LEKR1: variants seen among roughly 807,000 people sequenced by gnomAD.
The protein encoded by LEKR1 is protein LEKR1.
In LEKR1, 59 loss-of-function variants were observed where a neutral mutation model predicts 72.4. That is an observed-to-expected ratio of 0.82 (90% confidence interval 0.66 to 1.01). The LOEUF is 1.01. LEKR1 is among the 50% of genes least tolerant of loss of function. LEKR1 has a pLI of 0.00. For missense variants in LEKR1, 728 were observed against 759.2 expected (o/e 0.96, Z 0.48); for synonymous variants, 257 against 263.2 (o/e 0.98, Z 0.23).
At chr3:156,906,508 T>C (rs1189652082) in intron 3 of LEKR1, among the ~76,000 whole-genome samples, 9 of 152,210 alleles carry the variant, frequency 5.9e-5, no homozygotes, top group Non-Finnish European at 1.2e-4. Flanking sequence ...CATTATGTCC[T>C]TACATCAACA....
intron 9 of LEKR1, among the ~76,000 whole-genome samples, chr3:157,010,508 A>T (rs969432879): frequency 6.6e-6 from 1 of 152,092 alleles, no homozygotes; most frequent in African/African-American, 2.4e-5. Flanking sequence ...TGAACATGCA[A>T]TTATAAATCA....
chr3:156,833,517 T>C (rs1173699498), intron 2 of LEKR1, among the ~76,000 whole-genome samples: 3 of 152,154 alleles, frequency 2.0e-5, no homozygotes, highest in Non-Finnish European at 1.5e-5. Flanking sequence ...CATATTGAAA[T>C]TATAGGAATC....
rs370631448 is a variant in LEKR1 at position 157,039,300 on chromosome 3, AAAAG to A, written c.1669-6028_1669-6025del. Among the ~76,000 whole-genome samples the A allele has an allele frequency of 2.2e-4, 34 of 152,342 alleles. No individual in the cohort carries two copies. In the East Asian group the frequency reaches 4.6e-3, roughly 21 times the overall value. On this transcript the variant is annotated intron_variant, in intron 12 of 12. Transcript: ENST00000356539. ...TTCCAATGTAAACTCTATTTTTAAAAAAAGAAAGAAAGAAATTCCATTTACATAA... is the reference window on the plus strand; with the variant it reads ...TTCCAATGTAAACTCTATTTTTAAAAAAAGAAAGAAATTCCATTTACATAA...
intron 6 of LEKR1, among the ~76,000 whole-genome samples, chr3:156,969,720 T>G (rs1309422068): frequency 6.6e-6 from 1 of 152,198 alleles, no homozygotes; most frequent in Non-Finnish European, 1.5e-5. Context: ...CCATTCCTTC[T>G]GAAACTATTC....
At chr3:156,865,192 C>G (rs1208763268) in intron 3 of LEKR1, among the ~76,000 whole-genome samples, 1 of 152,032 alleles carries the variant, frequency 6.6e-6, no homozygotes, top group Admixed American at 6.6e-5. Flanking sequence ...CATCATCACT[C>G]TGCAGCATTA....
intron 3 of LEKR1, among the ~76,000 whole-genome samples, chr3:156,915,445 G>A (rs1229891280): frequency 2.7e-5 from 4 of 150,114 alleles, no homozygotes; most frequent in Non-Finnish European, 4.4e-5. Context: ...TTTAGTGATA[G>A]CCATTCTGAC....
At chr3:156,929,876 A>C (rs909217176) in intron 5 of LEKR1, among the ~76,000 whole-genome samples, 1 of 152,158 alleles carries the variant, frequency 6.6e-6, no homozygotes, top group Non-Finnish European at 1.5e-5. Context: ...ATACTTTATG[A>C]GGTGATAATA....
rs565813396 is a variant in LEKR1 at position 156,905,048 on chromosome 3, T to A, written c.264-15527T>A. ...CATTGAGTCAGTCCAGTGCGGGTAC[T>A]TTTTTCCTGCCTTTTTGGGAGAGGT... On this transcript the variant is annotated intron_variant, in intron 3 of 12. Coordinates refer to ENST00000356539, the MANE Select transcript of LEKR1 (RefSeq NM_001004316.3). Among the ~76,000 whole-genome samples the A allele has an allele frequency of 3.3e-5, 5 of 152,184 alleles. No homozygotes were observed. In the East Asian group the frequency reaches 9.6e-4, roughly 29 times the overall value.
At chr3:156,918,288 A>G (rs1216024607) in intron 3 of LEKR1, among the ~76,000 whole-genome samples, 5 of 152,138 alleles carry the variant, frequency 3.3e-5, no homozygotes, top group Admixed American at 3.3e-4. Flanking sequence ...CTTCTAAGTA[A>G]CAGAATATAT....
intron 10 of LEKR1, among the ~76,000 whole-genome samples, chr3:157,018,926 C>T (rs1003717358): frequency 6.6e-6 from 1 of 152,160 alleles, no homozygotes; most frequent in Non-Finnish European, 1.5e-5. Flanking sequence ...CAGGATTTGA[C>T]CTGCAGCCTA....
At chr3:156,844,177 C>T (rs1006102925) in intron 2 of LEKR1, among the ~76,000 whole-genome samples, 1 of 152,034 alleles carries the variant, frequency 6.6e-6, no homozygotes, top group Non-Finnish European at 1.5e-5. Flanking sequence ...TTATAATTTA[C>T]ATAGGGTAAA....
intron 3 of LEKR1, among the ~76,000 whole-genome samples, chr3:156,894,164 A>G (rs1043097079): frequency 2.0e-5 from 3 of 152,232 alleles, no homozygotes; most frequent in Admixed American, 6.5e-5. Context: ...CTGGACAGAT[A>G]AAGCCTCTTT....
intron 3 of LEKR1, among the ~76,000 whole-genome samples, chr3:156,906,067 A>G (rs969829481): frequency 3.3e-5 from 5 of 152,180 alleles, no homozygotes; most frequent in African/African-American, 1.2e-4. Context: ...CTTTAGAACC[A>G]GGAGCTTGAC....
chr3:156,889,503 G>A (rs1720444676), intron 3 of LEKR1, among the ~76,000 whole-genome samples: 1 of 152,136 alleles, frequency 6.6e-6, no homozygotes, highest in Non-Finnish European at 1.5e-5. Context: ...TCTTTACCAT[G>A]CTGAAATAGA....
intron 2 of LEKR1, among the ~76,000 whole-genome samples, chr3:156,844,753 A>G (rs1231176689): frequency 1.3e-5 from 2 of 152,006 alleles, no homozygotes; most frequent in African/African-American, 4.8e-5. Flanking sequence ...TTAACCATTT[A>G]CCTACTCATT....
chr3:156,872,648 TTTTG>T (rs911903748), intron 3 of LEKR1, among the ~76,000 whole-genome samples: 2 of 152,060 alleles, frequency 1.3e-5, no homozygotes, highest in Non-Finnish European at 2.9e-5. Context: ...GTATTTCAAA[TTTTG>T]TTTGTTTCAA....
At chr3:156,843,973 A>G (rs1405489247) in intron 2 of LEKR1, among the ~76,000 whole-genome samples, 1 of 152,162 alleles carries the variant, frequency 6.6e-6, no homozygotes, top group Non-Finnish European at 1.5e-5. Flanking sequence ...GTAGTTCATT[A>G]GAAAAAGCAT....
rs1324875234 is a variant in LEKR1, at chr3:156,961,683, T to C, written c.746-17511T>C. Among the ~76,000 whole-genome samples, 3 of 152,188 alleles carry C rather than the reference T, an allele frequency of 2.0e-5. No individual in the cohort carries two copies. The East Asian group carries it at 5.8e-4, about 29-fold the overall frequency. On this transcript the variant is annotated intron_variant, in intron 6 of 12. Coordinates refer to ENST00000356539, the MANE Select transcript of LEKR1 (RefSeq NM_001004316.3). ...AGTGATGTGGTTCAGTTGGAAAAAA[T>C]ACTGAGCTGGGATCCAAACAGTTCT...
chr3:156,854,561 A>G (rs1308006075), intron 3 of LEKR1, among the ~76,000 whole-genome samples: 1 of 145,518 alleles, frequency 6.9e-6, no homozygotes, highest in Non-Finnish European at 1.5e-5. Context: ...TTTTTTTGAG[A>G]CAGGGTCTTT....
Sources: gnomAD v4.1 joint callset for allele counts (sites outside exome capture counted in the v4.1 genomes callset) on GRCh38, gnomAD v4.1.1 for gene constraint, MANE v1.5 for transcripts, NCBI Gene and HGNC (gene_info 2026-07-23, HGNC 2026-07-21) for gene names.